Variants in CTNNA2 observed in about 807,000 individuals in gnomAD.
CTNNA2 encodes catenin alpha-2.
In CTNNA2, 42 loss-of-function variants were observed where a neutral mutation model predicts 101.0. That is an observed-to-expected ratio of 0.42 (90% confidence interval 0.32 to 0.54). The LOEUF (loss-of-function observed/expected upper bound fraction) is 0.54. Ranked by LOEUF, CTNNA2 falls within the 20% of genes least tolerant of loss-of-function variation. The probability of loss-of-function intolerance (pLI) is 0.14; values close to 1 mark genes in which losing one functional copy is unlikely to be tolerated. For synonymous variants in CTNNA2, 450 were observed against 456.4 expected (o/e 0.99, Z 0.18); for missense variants, 871 against 1,223.1 (o/e 0.71, Z 4.29).
rs112395372 is a variant in CTNNA2 at position 79,267,174 on chromosome 2, A to G, written c.-405-45535A>G. On this transcript the variant is annotated intron_variant, in intron 2 of 21. Coordinates refer to the CTNNA2 transcript ENST00000466387. ...CCCCCAGTTCCCCTTGATGGGGAAT[A>G]GCAGCCTTCTCTTGCCTGGAGAAGT... Among the ~76,000 whole-genome samples the G allele has an allele frequency of 3.0e-3, 452 of 152,264 alleles. 5 individuals are homozygous for G. The highest frequency in any genetic ancestry group is 0.01 in the African/African-American group (436 of 41,560).
At chr2:80,291,817 T>G (rs775955167) in intron 7 of CTNNA2, among the ~76,000 whole-genome samples, 18 of 152,138 alleles carry the variant, frequency 1.2e-4, no homozygotes, top group Non-Finnish European at 1.9e-4. Flanking sequence ...CTGGAAGATG[T>G]GTGTGCACAT....
At chr2:79,582,722 C>T (rs1676224542) in intron 1 of CTNNA2, among the ~76,000 whole-genome samples, 1 of 152,024 alleles carries the variant, frequency 6.6e-6, no homozygotes, top group African/African-American at 2.4e-5. Flanking sequence ...GGTTTTTCTG[C>T]CTTCTTCCCT....
chr2:80,371,471 C>G (rs756997055), intron 7 of CTNNA2, among the ~76,000 whole-genome samples: 3 of 150,700 alleles, frequency 2.0e-5, no homozygotes, highest in African/African-American at 2.4e-5. Context: ...ATGACAGGAA[C>G]CATGGTAGAA....
At chr2:80,321,336 A>G (rs749872764) in intron 7 of CTNNA2, among the ~76,000 whole-genome samples, 11 of 152,302 alleles carry the variant, frequency 7.2e-5, no homozygotes, top group African/African-American at 7.2e-5. Context: ...GGAAAAGGGT[A>G]TTAAGATCCA....
intron 16 of CTNNA2, 34 bp from the exon 17 acceptor site, chr2:80,608,150 T>C (rs752892212): frequency 4.4e-6 from 7 of 1,581,464 alleles, no homozygotes; most frequent in Non-Finnish European, 6.1e-6. Flanking sequence ...GAAGAGTACT[T>C]ACTAATCAAG....
At chr2:79,633,297 C>T (rs1479090040) in intron 1 of CTNNA2, among the ~76,000 whole-genome samples, 1 of 152,164 alleles carries the variant, frequency 6.6e-6, no homozygotes, top group African/African-American at 2.4e-5. Context: ...CAGTGTCATG[C>T]CTAGTTACAA....
intron 9 of CTNNA2, among the ~76,000 whole-genome samples, chr2:80,493,528 C>T (rs1687218254): frequency 6.6e-6 from 1 of 152,180 alleles, no homozygotes; most frequent in Admixed American, 6.6e-5. Context: ...GGAAGATGGA[C>T]ACTCACTAGC....
intron 2 of CTNNA2, among the ~76,000 whole-genome samples, chr2:79,718,792 C>A (rs1488085990): frequency 6.7e-6 from 1 of 150,208 alleles, no homozygotes; most frequent in Non-Finnish European, 1.5e-5. Context: ...GGTAAATGTA[C>A]AGCAAATATT....
chr2:79,795,478 G>C (rs1293060570), intron 3 of CTNNA2, among the ~76,000 whole-genome samples: 1 of 151,676 alleles, frequency 6.6e-6, no homozygotes, highest in African/African-American at 2.4e-5. Context: ...CAAAATTTAA[G>C]GGTATAAGAA....
chr2:79,492,139 A>C (rs1671211819), intron 4 of CTNNA2, among the ~76,000 whole-genome samples: 1 of 152,086 alleles, frequency 6.6e-6, no homozygotes, highest in Non-Finnish European at 1.5e-5. Context: ...ATAATGTTTA[A>C]TATTATGTAT....
At chr2:79,707,334 C>T (rs775581139) in intron 2 of CTNNA2, among the ~76,000 whole-genome samples, 3 of 152,180 alleles carry the variant, frequency 2.0e-5, no homozygotes, top group Non-Finnish European at 4.4e-5. Flanking sequence ...GGGTAATATA[C>T]ACAGTGTAAT....
chr2:79,973,648 G>C (rs1472514914), intron 7 of CTNNA2, among the ~76,000 whole-genome samples: 1 of 152,150 alleles, frequency 6.6e-6, no homozygotes, highest in Non-Finnish European at 1.5e-5. Context: ...ATTTATTCAG[G>C]AATAGGGCAT....
Position 80,204,175 on chromosome 2 carries a change from GC to G in CTNNA2, c.1057-189033del, listed in dbSNP as rs573882803. Among the ~76,000 whole-genome samples, 3 of 152,292 alleles carry G rather than the reference GC, an allele frequency of 2.0e-5. No individual in the cohort carries two copies. The South Asian group carries it at 6.2e-4, about 32-fold the overall frequency. On this transcript the variant is annotated intron_variant, in intron 7 of 18. Transcript: ENST00000402739. ...GGGCTGCCGCAAAGTTCTCTAACATGCCCTGGAGATATTTTCCCCATTCTCT... is the reference window on the plus strand; with the variant it reads ...GGGCTGCCGCAAAGTTCTCTAACATGCCTGGAGATATTTTCCCCATTCTCT...
In CTNNA2 at chr2:80,058,945, AG is replaced by A. The variant is rs550085882; in HGVS notation, c.1056+149150del. Among the ~76,000 whole-genome samples the A allele has an allele frequency of 8.5e-5, 13 of 152,272 alleles. No individual in the cohort carries two copies. In the East Asian group the frequency reaches 2.5e-3, roughly 29 times the overall value. Reference sequence around the variant, plus strand: ...TTCCTGATTTACATGATATCTGCAAAGGATTTTTAGTTATCCACTAAGCAGC... The same window carrying A: ...TTCCTGATTTACATGATATCTGCAAAGATTTTTAGTTATCCACTAAGCAGC... On this transcript the variant is annotated intron_variant, in intron 7 of 18. Coordinates refer to ENST00000402739, the MANE Select transcript of CTNNA2 (RefSeq NM_001282597.3).
intron 1 of CTNNA2, among the ~76,000 whole-genome samples, chr2:79,623,067 A>T (rs1679092749): frequency 6.6e-6 from 1 of 152,218 alleles, no homozygotes; most frequent in African/African-American, 2.4e-5. Context: ...GTTTTGAAAT[A>T]AATAAGCCTT....
At chr2:80,036,844 TGTGTGAGA>T (rs1442550628) in intron 7 of CTNNA2, among the ~76,000 whole-genome samples, 298 of 74,152 alleles carry the variant, frequency 4.0e-3, no homozygotes, top group Middle Eastern at 6.2e-3. Flanking sequence ...TGTGTGTGTG[TGTGTGAGA>T]GAGAGAGAGA....
intron 7 of CTNNA2, among the ~76,000 whole-genome samples, chr2:80,112,798 G>T (rs1701299932): frequency 6.6e-6 from 1 of 152,132 alleles, no homozygotes; most frequent in Non-Finnish European, 1.5e-5. Context: ...TTAGTCTAAA[G>T]AAAACATAAT....
intron 9 of CTNNA2, among the ~76,000 whole-genome samples, chr2:80,487,303 C>T (rs936093605): frequency 2.0e-5 from 3 of 147,944 alleles, no homozygotes; most frequent in African/African-American, 5.0e-5. Flanking sequence ...AAAAAAAGTG[C>T]ACAATTTTAA....
chr2:79,208,546 A>G (rs966080675), intron 2 of CTNNA2, among the ~76,000 whole-genome samples: 3 of 152,218 alleles, frequency 2.0e-5, no homozygotes, highest in Non-Finnish European at 4.4e-5. Context: ...GGATTTGAAT[A>G]CTAGGCTCTG....
Sources: gnomAD v4.1 joint callset for allele counts (sites outside exome capture counted in the v4.1 genomes callset) on GRCh38, gnomAD v4.1.1 for gene constraint, MANE v1.5 for transcripts, NCBI Gene and HGNC (gene_info 2026-07-23, HGNC 2026-07-21) for gene names.